Variants in N4BP2 observed in about 807,000 individuals in gnomAD.
The protein encoded by N4BP2 is NEDD4-binding protein 2.
A neutral mutation model predicts 152.8 loss-of-function variants in N4BP2; 91 were observed. The ratio of observed to expected loss-of-function variants is 0.60; its 90% CI spans 0.50 to 0.71. The LOEUF (loss-of-function observed/expected upper bound fraction) is 0.71. Ranked by LOEUF, N4BP2 falls within the 30% of genes least tolerant of loss-of-function variation. The pLI is 0.00. For synonymous variants in N4BP2, 646 were observed against 705.3 expected (o/e 0.92, Z 1.33); for missense variants, 1,923 against 2,059.1 (o/e 0.93, Z 1.28).
the N4BP2 span, among the ~76,000 whole-genome samples, chr4:40,163,713 G>A: frequency 6.6e-6 from 1 of 152,178 alleles, no homozygotes; most frequent in Non-Finnish European, 1.5e-5. Context: ...CTCTGTTCTT[G>A]ATGATGTCAT....
chr4:40,184,009 G>A, the N4BP2 span, among the ~76,000 whole-genome samples: 70 of 152,336 alleles, frequency 4.6e-4, 1 homozygote, highest in East Asian at 4.6e-3. Context: ...CGTTGATGAG[G>A]ACTGGGTCAC....
intron 1 of N4BP2, among the ~76,000 whole-genome samples, chr4:40,059,318 C>G (rs925907761): frequency 4.6e-5 from 7 of 151,520 alleles, no homozygotes; most frequent in African/African-American, 1.7e-4. Flanking sequence ...TGGGAAGAAT[C>G]AGTTGTCTAT....
At chr4:40,135,357 A>G (rs1411255201) in intron 13 of N4BP2, among the ~76,000 whole-genome samples, 2 of 151,382 alleles carry the variant, frequency 1.3e-5, no homozygotes, top group Non-Finnish European at 2.9e-5. Flanking sequence ...ATTGTTGGAC[A>G]TTTGGGTTGG....
intron 16 of N4BP2, among the ~76,000 whole-genome samples, chr4:40,145,166 G>C (rs1308484207): frequency 6.6e-6 from 1 of 151,610 alleles, no homozygotes; most frequent in Non-Finnish European, 1.5e-5. Context: ...GTAGATGCTT[G>C]ATAAAATACA....
At chr4:40,129,720 C>T (rs1484523999) in intron 12 of N4BP2, among the ~76,000 whole-genome samples, 1 of 152,054 alleles carries the variant, frequency 6.6e-6, no homozygotes, top group Non-Finnish European at 1.5e-5. Flanking sequence ...GTCCTTCTAC[C>T]TTGGCCTCTC....
At position 40,121,037 on chromosome 4, in the gene N4BP2, C is replaced by A; in HGVS notation, c.2926C>A (p.Pro976Thr). Residue 976 changes from proline to threonine, a missense_variant, in exon 9 of 18, where the codon CCT becomes ACT. Pro to Thr is a conservative substitution (Grantham distance 38). Coordinates refer to ENST00000261435, the MANE Select transcript of N4BP2 (RefSeq NM_018177.6). ...KKSHGQHTSLPLTFTNSAPTV... is the reference protein window; with the variant it reads ...KKSHGQHTSLTLTFTNSAPTV... ...GAGTCATGGGCAACACACATCGTTGCCTCTTACTTTTACCAATAGTGCACC... is the reference window on the plus strand; with the variant it reads ...GAGTCATGGGCAACACACATCGTTGACTCTTACTTTTACCAATAGTGCACC... The A allele has an allele frequency of 6.2e-7, 1 of 1,614,028 alleles. No individual in the cohort carries two copies. The highest frequency in any genetic ancestry group is 8.5e-7 in the Non-Finnish European group (1 of 1,179,990).
chr4:40,106,661 G>A (rs1002340625), intron 4 of N4BP2, among the ~76,000 whole-genome samples: 8 of 152,072 alleles, frequency 5.3e-5, no homozygotes, highest in African/African-American at 1.9e-4. Flanking sequence ...CAATTCTCAT[G>A]CCTCAGCCTC....
the N4BP2 span, among the ~76,000 whole-genome samples, chr4:40,189,835 G>C: frequency 2.0e-5 from 3 of 152,042 alleles, no homozygotes; most frequent in Non-Finnish European, 4.4e-5. This position sits in a 1 kb window ranked among gnomAD's most constrained non-coding sequence, Gnocchi z 4.3. Flanking sequence ...GTTGCAGTGA[G>C]CAGAGATTGT....
intron 16 of N4BP2, among the ~76,000 whole-genome samples, chr4:40,151,863 A>T (rs1421673155): frequency 6.6e-6 from 1 of 152,212 alleles, no homozygotes; most frequent in African/African-American, 2.4e-5. Flanking sequence ...TGGAGATATG[A>T]TACTTGAAAA....
the N4BP2 span, among the ~76,000 whole-genome samples, chr4:40,170,290 A>G: frequency 6.6e-6 from 1 of 152,156 alleles, no homozygotes; most frequent in Non-Finnish European, 1.5e-5. Context: ...TTACAAATAA[A>G]AAAGAAAATG....
intron 2 of N4BP2, among the ~76,000 whole-genome samples, chr4:40,092,007 A>T (rs867683834): frequency 1.2e-3 from 39 of 33,322 alleles, no homozygotes; most frequent in Non-Finnish European, 1.6e-3. Flanking sequence ...AAAAAAAAAA[A>T]TTATATATAT....
chr4:40,112,156 A>T lies in N4BP2; in HGVS notation c.1571A>T (p.Lys524Ile). ...DNTNLQAWEMKPYVALSQKHK... is the reference protein window; with the variant it reads ...DNTNLQAWEMIPYVALSQKHK... ...ACAAACCTACAGGCATGGGAAATGA[A>T]ACCATATGTTGCTTTGGTTAGTACC... Residue 524 changes from lysine to isoleucine, a missense_variant, in exon 6 of 18, where the codon AAA becomes ATA. Transcript: ENST00000261435. The T allele has an allele frequency of 6.4e-7, 1 of 1,570,892 alleles. No individual in the cohort carries two copies. The highest frequency in any genetic ancestry group is 8.7e-7 in the Non-Finnish European group (1 of 1,149,470).
intron 1 of N4BP2, among the ~76,000 whole-genome samples, chr4:40,070,789 TC>T (rs1712085376): frequency 6.6e-6 from 1 of 152,010 alleles, no homozygotes; most frequent in African/African-American, 2.4e-5. Context: ...CCTGAGTTGT[TC>T]CAAAAATGTT....
rs76010866 is a variant in N4BP2 at position 40,144,488 on chromosome 4, T to C, written c.4975-144T>C. The C allele has an allele frequency of 3.8e-3, 2,117 of 564,412 alleles. 34 individuals carry two copies. The highest frequency in any genetic ancestry group is 0.035 in the African/African-American group (1,840 of 52,234). The allele number at this position is 564,412 out of a possible 1,614,324, so 35.0% of individuals were successfully genotyped here. A position where few individuals can be genotyped will look rare whatever the true frequency, so the allele number is the denominator to read the frequency against. ...TTACCTAAATTTTGGTGCATTCTTA[T>C]ATATTAAACTCATTGCATTATTTAA... is the stretch of plus-strand genomic sequence containing the variant. On this transcript the variant is annotated intron_variant, in intron 15 of 17. Transcript: ENST00000261435.
chr4:40,115,454 C>T (rs1022513754), intron 7 of N4BP2, among the ~76,000 whole-genome samples: 1 of 152,140 alleles, frequency 6.6e-6, no homozygotes, highest in Non-Finnish European at 1.5e-5. Context: ...TGTGATTGTG[C>T]CATTGCACTC....
intron 5 of N4BP2, among the ~76,000 whole-genome samples, chr4:40,108,881 A>G (rs1195076251): frequency 1.3e-5 from 2 of 148,180 alleles, no homozygotes; most frequent in Non-Finnish European, 3.0e-5. Flanking sequence ...CGGTGGCGTG[A>G]TCTTGGCTCA....
chr4:40,073,933 C>G (rs1021860686), intron 2 of N4BP2, among the ~76,000 whole-genome samples: 3 of 152,176 alleles, frequency 2.0e-5, no homozygotes, highest in Non-Finnish European at 2.9e-5. Flanking sequence ...GCTGGGATTA[C>G]AGGCGCATGC....
intron 16 of N4BP2, among the ~76,000 whole-genome samples, chr4:40,150,356 C>T (rs929909289): frequency 6.6e-6 from 1 of 152,082 alleles, no homozygotes; most frequent in Admixed American, 6.6e-5. Context: ...ATACAGTCAG[C>T]AAAATTCAGA....
At chr4:40,105,548 C>CT (rs34782994) in intron 4 of N4BP2, among the ~76,000 whole-genome samples, 149 of 140,190 alleles carry the variant, frequency 1.1e-3, no homozygotes, top group Middle Eastern at 3.5e-3. Context: ...TGGTCTCAAA[C>CT]TTTTTTTTTT....
Sources: gnomAD v4.1 joint callset for allele counts (sites outside exome capture counted in the v4.1 genomes callset) on GRCh38, gnomAD v4.1.1 for gene constraint, Gnocchi (gnomAD v3.1) non-coding constraint, MANE v1.5 for transcripts, NCBI Gene and HGNC (gene_info 2026-07-23, HGNC 2026-07-21) for gene names.